FUBP3: variants seen among roughly 807,000 people sequenced by gnomAD.
The protein encoded by FUBP3 is far upstream element binding protein 3, also known as far upstream element-binding protein 3.
A neutral mutation model predicts 85.6 loss-of-function variants in FUBP3; 28 were observed. The ratio of observed to expected loss-of-function variants is 0.33; its 90% CI spans 0.24 to 0.45. FUBP3 has a LOEUF of 0.45. Among genes scored for constraint, FUBP3 ranks in the 20% least tolerant of loss-of-function variants. The pLI, the probability that FUBP3 is intolerant of heterozygous loss-of-function variation, is 1.00. For synonymous variants in FUBP3, 271 were observed against 271.4 expected (o/e 1.00, Z 0.01); for missense variants, 583 against 755.1 (o/e 0.77, Z 2.67).
chr9:130,605,771 G>C (rs1831392960), intron 2 of FUBP3, among the ~76,000 whole-genome samples: 2 of 152,234 alleles, frequency 1.3e-5, no homozygotes, highest in South Asian at 4.1e-4. Context: ...ATCACCTGAT[G>C]TCAGGAGTTT....
chr9:130,621,238 C>CT, intron 9 of FUBP3, among the ~76,000 whole-genome samples: 1 of 152,060 alleles, frequency 6.6e-6, no homozygotes, highest in Non-Finnish European at 1.5e-5. Flanking sequence ...AATCCCAGTG[C>CT]TTTGAGAGGC....
chr9:130,589,689 ATATATATATATATATATTTTTT>A (rs1176484956), intron 1 of FUBP3, among the ~76,000 whole-genome samples: 1 of 28,508 alleles, frequency 3.5e-5, no homozygotes, highest in African/African-American at 1.5e-4. Context: ...ATATATATAT[ATATATATATATATATATTTTTT>A]TTTTTTTTTT....
At chr9:130,626,243 G>A (rs1281036126) in intron 11 of FUBP3, 121 bp from the exon 12 acceptor site, 9 of 1,001,858 alleles carry the variant, frequency 9.0e-6, no homozygotes, top group Non-Finnish European at 1.3e-5. Context: ...GTGTGGAAAG[G>A]TGCTAGGTTC....
intron 13 of FUBP3, chr9:130,631,231 A>T (rs537473572): frequency 1.6e-6 from 2 of 1,273,818 alleles, no homozygotes; most frequent in Non-Finnish European, 2.0e-6. Context: ...GCTCACCTCA[A>T]TGGGGACGTA....
At chr9:130,629,730 C>T (rs1174385318) in intron 12 of FUBP3, among the ~76,000 whole-genome samples, 1 of 152,178 alleles carries the variant, frequency 6.6e-6, no homozygotes, top group Non-Finnish European at 1.5e-5. Flanking sequence ...TTTGATCACC[C>T]AGGCTCGCTG....
chr9:130,590,305 C>T (rs1830569479), intron 1 of FUBP3, among the ~76,000 whole-genome samples: 2 of 152,166 alleles, frequency 1.3e-5, no homozygotes, highest in Non-Finnish European at 2.9e-5. Context: ...TCTTAAAGGT[C>T]TTGCCCAAGG....
chr9:130,622,204 A>G (rs1444212465), intron 9 of FUBP3, among the ~76,000 whole-genome samples: 1 of 150,530 alleles, frequency 6.6e-6, no homozygotes, highest in Non-Finnish European at 1.5e-5. Flanking sequence ...GGTGCCTGTA[A>G]TCCTAGCTAC....
At chr9:130,618,916 C>T (rs1832153311) in intron 8 of FUBP3, among the ~76,000 whole-genome samples, 2 of 152,220 alleles carry the variant, frequency 1.3e-5, no homozygotes, top group Admixed American at 1.3e-4. Flanking sequence ...CCTGGGGACT[C>T]CAGTCAGTGA....
intron 9 of FUBP3, among the ~76,000 whole-genome samples, chr9:130,621,606 C>G (rs1051397600): frequency 6.6e-6 from 1 of 152,146 alleles, no homozygotes; most frequent in South Asian, 2.1e-4. Flanking sequence ...ATGCATTTAA[C>G]AGTTAAGAAT....
intron 1 of FUBP3, 113 bp downstream of exon 1, chr9:130,579,877 C>T: frequency 1.7e-6 from 1 of 604,708 alleles, no homozygotes; most frequent in Non-Finnish European, 2.4e-6. Context: ...ACGTCTCAGC[C>T]GGGCCGGGCC....
intron 9 of FUBP3, among the ~76,000 whole-genome samples, chr9:130,621,588 C>T (rs1390726344): frequency 6.6e-6 from 1 of 152,108 alleles, no homozygotes. Flanking sequence ...GATCAAATCT[C>T]AAATTGGATG....
chr9:130,594,844 A>G (rs1250595460), intron 1 of FUBP3, among the ~76,000 whole-genome samples: 1 of 150,912 alleles, frequency 6.6e-6, no homozygotes, highest in East Asian at 2.0e-4. Context: ...AACTTTTTGA[A>G]GAAAGTTCTT....
At chr9:130,600,099 TCCTCCCTCCCTCCCTC>T (rs61692268) in intron 2 of FUBP3, among the ~76,000 whole-genome samples, 2 of 124,878 alleles carry the variant, frequency 1.6e-5, no homozygotes, top group South Asian at 2.6e-4. Flanking sequence ...TTTCCTTCCT[TCCTCCCTCCCTCCCTC>T]CCTCCCTCCC....
chr9:130,596,665 C>T (rs1368249706), intron 2 of FUBP3: 2 of 452,764 alleles, frequency 4.4e-6, no homozygotes, highest in South Asian at 3.2e-5. Context: ...CCTCCTAGTA[C>T]GTTTTTAAAT....
chr9:130,632,417 G>A, intron 16 of FUBP3, 139 bp downstream of exon 16: 1 of 678,732 alleles, frequency 1.5e-6, no homozygotes, highest in Non-Finnish European at 2.6e-6. Context: ...CCCTCTGGGT[G>A]GGGCTTGGGC....
chr9:130,596,748 A>C (rs566868620), intron 2 of FUBP3: 77 of 330,220 alleles, frequency 2.3e-4, no homozygotes, highest in African/African-American at 1.7e-3. Context: ...TTTTTAGTTA[A>C]CTTAAGAGTT....
intron 3 of FUBP3, among the ~76,000 whole-genome samples, chr9:130,610,872 T>C (rs530079794): frequency 2.6e-4 from 40 of 152,318 alleles, no homozygotes; most frequent in African/African-American, 9.6e-4. Flanking sequence ...GTTTGCTTTG[T>C]TTTGTTTGTT....
chr9:130,593,440 C>A (rs1830720756), intron 1 of FUBP3, among the ~76,000 whole-genome samples: 1 of 152,170 alleles, frequency 6.6e-6, no homozygotes, highest in Admixed American at 6.5e-5. Flanking sequence ...GTGGTGTGTT[C>A]AAGTATTCCT....
intron 16 of FUBP3, among the ~76,000 whole-genome samples, chr9:130,634,372 T>TTG (rs1462575677): frequency 5.3e-5 from 8 of 152,226 alleles, no homozygotes; most frequent in African/African-American, 1.9e-4. Flanking sequence ...GGAAGGCTGA[T>TTG]TGGGGAGCCT....
Sources: gnomAD v4.1 joint callset for allele counts (sites outside exome capture counted in the v4.1 genomes callset) on GRCh38, gnomAD v4.1.1 for gene constraint, MANE v1.5 for transcripts, NCBI Gene and HGNC (gene_info 2026-07-23, HGNC 2026-07-21) for gene names.